Variants in MAPK10 observed in about 807,000 individuals in gnomAD.
The protein encoded by MAPK10 is mitogen-activated protein kinase 10.
A neutral mutation model predicts 59.3 loss-of-function variants in MAPK10; 25 were observed. The observed-to-expected ratio is 0.42, with a 90% CI of 0.31 to 0.59. The LOEUF (loss-of-function observed/expected upper bound fraction) is 0.59. Among genes scored for constraint, MAPK10 ranks in the 20% least tolerant of loss-of-function variants. The pLI is 0.15. For synonymous variants in MAPK10, 190 were observed against 200.5 expected (o/e 0.95, Z 0.44); for missense variants, 351 against 568.9 (o/e 0.62, Z 3.90).
At chr4:86,506,962 T>TA (rs1755787808) in intron 1 of MAPK10, among the ~76,000 whole-genome samples, 2 of 152,152 alleles carry the variant, frequency 1.3e-5, no homozygotes, top group African/African-American at 2.4e-5. Flanking sequence ...TATGAGTATA[T>TA]ATATGCTTGA....
intron 1 of MAPK10, among the ~76,000 whole-genome samples, chr4:86,542,178 G>A (rs2149095586): frequency 6.6e-6 from 1 of 152,114 alleles, no homozygotes. Flanking sequence ...ACATTAAGAA[G>A]CCCAATTACA....
Position 86,195,770 on chromosome 4 carries a change from C to T in MAPK10, c.-6-1363G>A, listed in dbSNP as rs111902575. On this transcript the variant is annotated intron_variant, in intron 2 of 13. Transcript: ENST00000641462. ...GTGTGTGATGTTCCCCTCCCTGTGT[C>T]CATGTGTTCTCATTGTTCAGCTCCC... 2.2e-4 allele frequency among the ~76,000 whole-genome samples: 33 copies of T among 152,166 alleles called. 1 individual carries two copies. The highest frequency in any genetic ancestry group is 7.0e-4 in the African/African-American group (29 of 41,518).
At chr4:86,424,609 G>A (rs1262424646) in intron 1 of MAPK10, among the ~76,000 whole-genome samples, 2 of 151,930 alleles carry the variant, frequency 1.3e-5, no homozygotes. Context: ...TCTCAATTTG[G>A]GCTTCACCCT....
Position 86,315,956 on chromosome 4 carries a change from T to C in MAPK10, c.-7+38574A>G, listed in dbSNP as rs17409269. ...TTCCCCAAAGCAGTAAAAAGTTGTA[T>C]ACTTAAGACTCTTCTCTTCTGTGCA... On this transcript the variant is annotated intron_variant, in intron 2 of 13. Transcript: ENST00000641462. 7.2e-3 allele frequency among the ~76,000 whole-genome samples: 1,101 copies of C among 152,342 alleles called. 10 individuals carry two copies. The highest frequency in any genetic ancestry group is 0.02 in the Middle Eastern group (6 of 294).
chr4:86,473,474 CA>C (rs1752820750), intron 1 of MAPK10, among the ~76,000 whole-genome samples: 1 of 152,128 alleles, frequency 6.6e-6, no homozygotes, highest in South Asian at 2.1e-4. Flanking sequence ...GCAGAAAGTA[CA>C]GTAAGATTTA....
At chr4:86,110,955 G>A (rs1561831389) in intron 4 of MAPK10, among the ~76,000 whole-genome samples, 2 of 152,000 alleles carry the variant, frequency 1.3e-5, no homozygotes, top group African/African-American at 2.4e-5. Flanking sequence ...TCCCTTGTTA[G>A]CTGTATTCCT....
chr4:86,180,914 T>C (rs2076793135), intron 3 of MAPK10, among the ~76,000 whole-genome samples: 1 of 151,984 alleles, frequency 6.6e-6, no homozygotes, highest in Admixed American at 6.6e-5. Flanking sequence ...ACAGGAAGAA[T>C]AAAATACGGT....
At chr4:86,420,694 T>C (rs926848098) in intron 1 of MAPK10, among the ~76,000 whole-genome samples, 1 of 152,000 alleles carries the variant, frequency 6.6e-6, no homozygotes, top group Non-Finnish European at 1.5e-5. Context: ...GGGGCTGAGG[T>C]GGGAGGATCT....
At chr4:86,067,392 C>T (rs537263133) in intron 10 of MAPK10, among the ~76,000 whole-genome samples, 1 of 152,072 alleles carries the variant, frequency 6.6e-6, no homozygotes, top group African/African-American at 2.4e-5. Flanking sequence ...TTGATCCTCC[C>T]GCCTCCGCCT....
intron 3 of MAPK10, chr4:86,164,649 C>T (rs1698572228): frequency 6.6e-6 from 1 of 152,024 alleles, no homozygotes; most frequent in Admixed American, 6.6e-5. Flanking sequence ...GATATTAACT[C>T]TCAACTCAAT....
At chr4:86,212,528 A>G (rs569684889) in intron 2 of MAPK10, among the ~76,000 whole-genome samples, 85 of 152,308 alleles carry the variant, frequency 5.6e-4, no homozygotes, top group Non-Finnish European at 1.0e-3. Context: ...CTTGAAAACA[A>G]ACTAAAAAGG....
intron 1 of MAPK10, among the ~76,000 whole-genome samples, chr4:86,464,923 T>G (rs956927928): frequency 6.6e-6 from 1 of 152,228 alleles, no homozygotes; most frequent in Non-Finnish European, 1.5e-5. Context: ...AATCGCCTAG[T>G]TGCTAATGCA....
intron 1 of MAPK10, among the ~76,000 whole-genome samples, chr4:86,507,336 T>C (rs966086393): frequency 1.3e-5 from 2 of 151,858 alleles, no homozygotes; most frequent in East Asian, 1.9e-4. Context: ...AATTTGGCTA[T>C]ATCAAGTGTC....
At chr4:86,075,975 G>C (rs1336975890) in intron 9 of MAPK10, among the ~76,000 whole-genome samples, 20 of 151,806 alleles carry the variant, frequency 1.3e-4, no homozygotes, top group Admixed American at 1.3e-3. Flanking sequence ...GGGCAATGGC[G>C]GGCGCCCCTC....
At chr4:86,315,752 C>A (rs886556673) in intron 2 of MAPK10, among the ~76,000 whole-genome samples, 2 of 151,974 alleles carry the variant, frequency 1.3e-5, no homozygotes, top group Non-Finnish European at 2.9e-5. Flanking sequence ...AATTATATAA[C>A]CTTGGCAAAG....
chr4:86,460,591 C>T (rs2149060957), intron 1 of MAPK10, among the ~76,000 whole-genome samples: 1 of 152,344 alleles, frequency 6.6e-6, no homozygotes, highest in East Asian at 1.9e-4. Context: ...AAAATATCTG[C>T]AGCACTGTGA....
chr4:86,450,364 A>G (rs1750560157), intron 1 of MAPK10, among the ~76,000 whole-genome samples: 1 of 152,226 alleles, frequency 6.6e-6, no homozygotes, highest in South Asian at 2.1e-4. Context: ...ATTTCGGCAC[A>G]ACTTTTTCAT....
chr4:86,070,445 G>A (rs977321834), intron 9 of MAPK10, among the ~76,000 whole-genome samples: 2 of 150,348 alleles, frequency 1.3e-5, no homozygotes, highest in Non-Finnish European at 3.0e-5. Flanking sequence ...CATTGTGCAG[G>A]TTAGTTACAT....
chr4:86,170,642 A>G (rs2073831094), intron 3 of MAPK10, among the ~76,000 whole-genome samples: 1 of 152,088 alleles, frequency 6.6e-6, no homozygotes, highest in East Asian at 1.9e-4. Flanking sequence ...TTAACACCCC[A>G]CTGTCAACAT....
Sources: allele counts gnomAD v4.1 joint callset (sites outside exome capture counted in the v4.1 genomes callset), GRCh38; gene constraint gnomAD v4.1.1; transcripts MANE v1.5; gene names NCBI Gene and HGNC (gene_info 2026-07-23, HGNC 2026-07-21).